Variants in PCNX2 observed in about 807,000 individuals in gnomAD.
PCNX2 encodes the protein pecanex-like protein 2.
Under a neutral mutation model 223.8 loss-of-function variants are expected in PCNX2, and 168 were observed. The ratio of observed to expected loss-of-function variants is 0.75; its 90% CI spans 0.66 to 0.85. The LOEUF (loss-of-function observed/expected upper bound fraction) is 0.85, where lower values mean the gene tolerates loss of function less well. PCNX2 is among the 40% of genes least tolerant of loss of function. The probability of loss-of-function intolerance (pLI) is 0.00; values close to 1 mark genes in which losing one functional copy is unlikely to be tolerated. For synonymous variants in PCNX2, 1,006 were observed against 1,052.6 expected, an observed-to-expected ratio of 0.96 and a Z score of 0.86; for missense variants, 2,507 against 2,675.5, an observed-to-expected ratio of 0.94 and a Z score of 1.39.
At chr1:233,164,892 G>A (rs1298252385) in intron 17 of PCNX2, among the ~76,000 whole-genome samples, 2 of 151,980 alleles carry the variant, frequency 1.3e-5, no homozygotes, top group Admixed American at 6.6e-5. Context: ...AGAAGGAAGG[G>A]GGAGGAGAGA....
chr1:233,118,489 T>C (rs12085394), intron 21 of PCNX2, among the ~76,000 whole-genome samples: 4 of 27,708 alleles, frequency 1.4e-4, no homozygotes, highest in African/African-American at 5.2e-4. Context: ...TCAAGGCACC[T>C]ACAAAAAAAA....
chr1:233,161,321 C>A lies in PCNX2; in HGVS notation c.3316G>T (p.Ala1106Ser), dbSNP rs1678465966. 1.9e-6 allele frequency: 3 copies of A among 1,613,758 alleles called. No individual in the cohort carries two copies. In the Admixed American group the frequency reaches 5.0e-5, roughly 27 times the overall value. The change falls in exon 18 of 34, where the codon GCT becomes TCT. Residue 1106 changes from alanine to serine, a missense_variant. By Grantham distance (99) the Ala-to-Ser change is moderately conservative. Around this residue, in one of 3 missense-constraint regions of PCNX2, gnomAD observed 1,372 missense variants for 1,509.4 expected, o/e 0.91. Transcript: ENST00000258229. ...KWDLIVCAVV[A>S]VLSFAVSAST... is the part of the protein sequence containing the mutation. ...GCGCTGACTGCAAATGAGAGGACAG[C>A]AACCACTGCGCAGACGATGAGATCC...
At chr1:233,212,389 T>C (rs1681870404) in intron 12 of PCNX2, among the ~76,000 whole-genome samples, 1 of 152,238 alleles carries the variant, frequency 6.6e-6, no homozygotes, top group Non-Finnish European at 1.5e-5. Context: ...AATTTAAATA[T>C]AGCAGAAATG....
chr1:233,195,883 C>T (rs547945914), intron 15 of PCNX2, among the ~76,000 whole-genome samples: 14 of 152,198 alleles, frequency 9.2e-5, no homozygotes, highest in East Asian at 3.9e-4. Context: ...ATAATCCCAA[C>T]GAAAATTTTT....
At chr1:233,120,206 A>G (rs1294014360) in intron 21 of PCNX2, among the ~76,000 whole-genome samples, 2 of 150,534 alleles carry the variant, frequency 1.3e-5, no homozygotes, top group Non-Finnish European at 3.0e-5. Context: ...AAAAAAGAAA[A>G]AAAAAGAGTA....
the PCNX2 span, among the ~76,000 whole-genome samples, chr1:233,322,655 G>A: frequency 2.6e-5 from 4 of 152,142 alleles, no homozygotes; most frequent in Non-Finnish European, 5.9e-5. Context: ...CCTCTGGAAC[G>A]TGATGAGATT....
intron 25 of PCNX2, among the ~76,000 whole-genome samples, chr1:233,037,128 A>T (rs1300733955): frequency 6.6e-6 from 1 of 152,184 alleles, no homozygotes; most frequent in East Asian, 1.9e-4. Flanking sequence ...TCCAGTTTAG[A>T]TTAATCCAAT....
chr1:233,300,248 C>T (rs184816080), upstream of PCNX2, among the ~76,000 whole-genome samples: 31 of 152,324 alleles, frequency 2.0e-4, 1 homozygote, highest in Admixed American at 1.4e-3. Context: ...TGCTCAATAA[C>T]GTTTCATAGT....
intron 8 of PCNX2, 137 bp from the exon 9 acceptor site, chr1:233,237,117 A>T (rs1658471450): frequency 9.0e-7 from 1 of 1,110,446 alleles, no homozygotes; most frequent in Non-Finnish European, 1.3e-6. Flanking sequence ...ATAAACAGTT[A>T]AGAGTTTAAA....
intron 28 of PCNX2, among the ~76,000 whole-genome samples, chr1:233,009,210 A>G (rs1303973991): frequency 1.3e-5 from 2 of 152,228 alleles, no homozygotes; most frequent in Non-Finnish European, 2.9e-5. Flanking sequence ...CCTAACTTGC[A>G]TTAGCACTCT....
chr1:233,241,538 C>T (rs931794695), intron 8 of PCNX2, among the ~76,000 whole-genome samples: 1 of 152,136 alleles, frequency 6.6e-6, no homozygotes. Flanking sequence ...GGAGGGCAGA[C>T]ACTATTCCAA....
Position 233,017,551 on chromosome 1 carries a change from C to T in PCNX2, c.4606-397G>A, listed in dbSNP as rs565491065. On this transcript the variant is annotated intron_variant, in intron 26 of 33. Transcript: ENST00000258229. ...CAGGATGGTCTCGATCTCCTGACCT[C>T]GTGATCCGCCCGCCTTGGCCTCCCA... Among the ~76,000 whole-genome samples the T allele has an allele frequency of 5.3e-5, 8 of 152,066 alleles. No individual in the cohort carries two copies. In the East Asian group the frequency reaches 9.7e-4, roughly 19 times the overall value.
chr1:233,163,090 T>C (rs1678587647), intron 17 of PCNX2, among the ~76,000 whole-genome samples: 1 of 152,162 alleles, frequency 6.6e-6, no homozygotes, highest in Admixed American at 6.5e-5. Context: ...ACAGCCTTTC[T>C]CTATTTATTA....
chr1:233,200,975 G>A (rs1466704476), intron 13 of PCNX2, among the ~76,000 whole-genome samples: 2 of 140,912 alleles, frequency 1.4e-5, no homozygotes, highest in Non-Finnish European at 1.5e-5. Context: ...GCAGTGAGCC[G>A]AGATTGCACC....
chr1:233,170,443 C>CAT (rs1241167005), intron 17 of PCNX2, among the ~76,000 whole-genome samples: 1 of 152,110 alleles, frequency 6.6e-6, no homozygotes, highest in Non-Finnish European at 1.5e-5. Flanking sequence ...TATATTTCCT[C>CAT]ATTTGTGAAG....
chr1:233,307,932 G>A, the PCNX2 span, among the ~76,000 whole-genome samples: 1 of 152,210 alleles, frequency 6.6e-6, no homozygotes, highest in Non-Finnish European at 1.5e-5. Flanking sequence ...TAACATGTGA[G>A]AACTCAGAAG....
intron 1 of PCNX2, among the ~76,000 whole-genome samples, chr1:233,288,471 A>C (rs1367028210): frequency 2.6e-5 from 4 of 152,204 alleles, no homozygotes; most frequent in African/African-American, 4.8e-5. Context: ...AAAAACAAAC[A>C]CAGAAACACA....
chr1:233,113,111 G>GC, intron 21 of PCNX2: 1 of 890,178 alleles, frequency 1.1e-6, no homozygotes, highest in African/African-American at 1.7e-5. Flanking sequence ...CAGTGAGCTG[G>GC]CCAGTTGGGT....
the PCNX2 span, among the ~76,000 whole-genome samples, chr1:233,303,368 T>A: frequency 0.012 from 1,840 of 152,124 alleles, 23 homozygotes; most frequent in Non-Finnish European, 0.014. Context: ...TACAAAAATT[T>A]GCTGGGTGTG....
Sources: gnomAD v4.1 joint callset for allele counts (sites outside exome capture counted in the v4.1 genomes callset) on GRCh38, gnomAD v4.1.1 for gene constraint, gnomAD v4.1.1 regional missense constraint, MANE v1.5 for transcripts, NCBI Gene and HGNC (gene_info 2026-07-23, HGNC 2026-07-21) for gene names.